Variants in LDB2 observed in about 807,000 individuals in gnomAD.
The protein encoded by LDB2 is LIM domain binding 2, also known as LIM domain-binding protein 2.
In LDB2, 12 loss-of-function variants were observed where a neutral mutation model predicts 44.3. The observed-to-expected ratio is 0.27, with a 90% CI of 0.17 to 0.44. LDB2 has a LOEUF of 0.44. Ranked by LOEUF, LDB2 falls within the 20% of genes least tolerant of loss-of-function variation. The pLI, the probability that LDB2 is intolerant of heterozygous loss-of-function variation, is 1.00. For missense variants in LDB2, 344 were observed against 473.5 expected, an observed-to-expected ratio of 0.73 and a Z score of 2.54; for synonymous variants, 164 against 174.8, an observed-to-expected ratio of 0.94 and a Z score of 0.49.
chr4:16,652,632 C>A (rs1481931341), intron 2 of LDB2, among the ~76,000 whole-genome samples: 1 of 152,162 alleles, frequency 6.6e-6, no homozygotes, highest in Non-Finnish European at 1.5e-5. Flanking sequence ...CATCGGGTAC[C>A]ACTTTAGGAG....
intron 2 of LDB2, among the ~76,000 whole-genome samples, chr4:16,729,165 A>T (rs376940859): frequency 1.3e-5 from 2 of 152,316 alleles, no homozygotes; most frequent in East Asian, 3.9e-4. Context: ...ATTGTATTGC[A>T]GATTATTTCA....
chr4:16,656,656 T>C (rs1484958536), intron 2 of LDB2, among the ~76,000 whole-genome samples: 3 of 152,270 alleles, frequency 2.0e-5, no homozygotes, highest in Admixed American at 2.0e-4. Context: ...TATTGTCATT[T>C]GCAGTGAGTG....
intron 1 of LDB2, among the ~76,000 whole-genome samples, chr4:16,881,757 A>C (rs1720198634): frequency 6.6e-6 from 1 of 152,072 alleles, no homozygotes; most frequent in Non-Finnish European, 1.5e-5. Flanking sequence ...CCACATCTGA[A>C]GTCTTCAGTG....
intron 1 of LDB2, among the ~76,000 whole-genome samples, chr4:16,796,120 C>T (rs1776676087): frequency 6.6e-6 from 1 of 151,826 alleles, no homozygotes; most frequent in Non-Finnish European, 1.5e-5. Flanking sequence ...GGTGAAATCC[C>T]ATCTCTACAA....
rs554477035 is a variant in LDB2 at position 16,618,683 on chromosome 4, T to C, written c.236-22808A>G. Among the ~76,000 whole-genome samples, 20 of 152,146 alleles carry C rather than the reference T, an allele frequency of 1.3e-4. No homozygotes were observed. The South Asian group carries it at 4.2e-3, about 32-fold the overall frequency. On this transcript the variant is annotated intron_variant, in intron 2 of 7. Coordinates refer to ENST00000304523, the MANE Select transcript of LDB2 (RefSeq NM_001290.5). ...TCAGGTATGGAATACTGGAAGGAGG[T>C]GCAGTGTTCCATAGCCTCCAGTTGC...
intron 2 of LDB2, among the ~76,000 whole-genome samples, chr4:16,668,568 T>G (rs1743927752): frequency 6.6e-6 from 1 of 152,190 alleles, no homozygotes. Flanking sequence ...CCTCCAGCAT[T>G]TTTTTAATGA....
At chr4:16,862,509 T>C (rs1457245694) in intron 1 of LDB2, among the ~76,000 whole-genome samples, 1 of 151,852 alleles carries the variant, frequency 6.6e-6, no homozygotes, top group Admixed American at 6.6e-5. Flanking sequence ...AGTGGATACC[T>C]GTAATCCTAG....
chr4:16,812,497 T>A (rs985707361), intron 1 of LDB2, among the ~76,000 whole-genome samples: 1 of 150,918 alleles, frequency 6.6e-6, no homozygotes, highest in Non-Finnish European at 1.5e-5. Flanking sequence ...TGACGCAGGG[T>A]TTAATATCTT....
At chr4:16,605,124 A>T (rs888567005) in intron 2 of LDB2, among the ~76,000 whole-genome samples, 2 of 152,190 alleles carry the variant, frequency 1.3e-5, no homozygotes, top group Non-Finnish European at 2.9e-5. Context: ...AACATACTTA[A>T]CATGTTTCTC....
At chr4:16,615,580 G>A (rs548569595) in intron 2 of LDB2, among the ~76,000 whole-genome samples, 1 of 152,008 alleles carries the variant, frequency 6.6e-6, no homozygotes, top group African/African-American at 2.4e-5. Context: ...ACAGAGAAGG[G>A]AACAACACAC....
intron 2 of LDB2, among the ~76,000 whole-genome samples, chr4:16,647,476 A>G (rs1053389154): frequency 3.9e-5 from 6 of 152,172 alleles, no homozygotes; most frequent in African/African-American, 1.4e-4. Context: ...AAAATGAAAA[A>G]TTATTTCTGA....
chr4:16,883,458 T>C (rs1720763947), intron 1 of LDB2, among the ~76,000 whole-genome samples: 1 of 152,154 alleles, frequency 6.6e-6, no homozygotes, highest in Non-Finnish European at 1.5e-5. Flanking sequence ...ACAAAGCATA[T>C]GGGCCTGCAA....
chr4:16,546,312 T>G (rs1735718447), intron 5 of LDB2, among the ~76,000 whole-genome samples: 1 of 152,202 alleles, frequency 6.6e-6, no homozygotes, highest in Non-Finnish European at 1.5e-5. Flanking sequence ...TAAAACAACT[T>G]CTGGACGAAT....
chr4:16,893,485 C>T (rs1291345897), intron 1 of LDB2, among the ~76,000 whole-genome samples: 1 of 151,876 alleles, frequency 6.6e-6, no homozygotes, highest in African/African-American at 2.4e-5. Context: ...AAAAATGTAG[C>T]TGAAAGAAAA....
chr4:16,818,163 C>G (rs186382824), intron 1 of LDB2, among the ~76,000 whole-genome samples: 5 of 152,254 alleles, frequency 3.3e-5, no homozygotes, highest in African/African-American at 4.8e-5. Context: ...CTCTGCTGAA[C>G]CTCTCTCTTT....
At chr4:16,767,996 A>G (rs923487368) in intron 1 of LDB2, among the ~76,000 whole-genome samples, 9 of 152,128 alleles carry the variant, frequency 5.9e-5, no homozygotes, top group Admixed American at 4.6e-4. Flanking sequence ...TTCACCAAAA[A>G]CAGGATCCCG....
At position 16,502,337 on chromosome 4, in the gene LDB2, C is replaced by T. The variant is rs1463569393; in HGVS notation, c.*306G>A. 4 of 333,666 alleles carry T rather than the reference C, an allele frequency of 1.2e-5. No individual in the cohort carries two copies. 20.7% of individuals were successfully genotyped at this position (333,666 alleles called of 1,614,324 possible). A position where few individuals can be genotyped will look rare whatever the true frequency, so the allele number is the denominator to read the frequency against. On this transcript the variant is annotated 3_prime_UTR_variant, in exon 8 of 8. Coordinates refer to ENST00000304523, the MANE Select transcript of LDB2 (RefSeq NM_001290.5). ...TTTGATGCATAAAAAGGAAATTCAA[C>T]ACAAACACGTTGTTAAAACCGTGCC...
Position 16,502,607 on chromosome 4 carries a change from C to T in LDB2, c.*36G>A, listed in dbSNP as rs199549457. On this transcript the variant is annotated 3_prime_UTR_variant, in exon 8 of 8. Coordinates refer to ENST00000304523, the MANE Select transcript of LDB2 (RefSeq NM_001290.5). ...GATTTGCAATTGTAATGATCACCCA[C>T]GGGCCTATTGACAGTGGATTCTGGT... 111 of 1,607,396 alleles carry T rather than the reference C, an allele frequency of 6.9e-5. No individual in the cohort carries two copies. Among genetic ancestry groups the T allele is most frequent in the African/African-American group, 4.0e-4 (30 of 74,798 alleles).
intron 5 of LDB2, among the ~76,000 whole-genome samples, chr4:16,560,021 GA>G (rs1447676198): frequency 1.3e-5 from 2 of 152,102 alleles, no homozygotes; most frequent in African/African-American, 2.4e-5. Context: ...AAACCAACCA[GA>G]ACAAAGACAC....
Sources: gnomAD v4.1 joint callset for allele counts (sites outside exome capture counted in the v4.1 genomes callset) on GRCh38, gnomAD v4.1.1 for gene constraint, MANE v1.5 for transcripts, NCBI Gene and HGNC (gene_info 2026-07-23, HGNC 2026-07-21) for gene names.